Variants in SLC43A1 observed in about 807,000 individuals in gnomAD.
SLC43A1 encodes large neutral amino acids transporter small subunit 3.
Under a neutral mutation model 59.5 loss-of-function variants are expected in SLC43A1, and 31 were observed. The observed-to-expected ratio is 0.52, with a 90% confidence interval of 0.39 to 0.70. SLC43A1 has a LOEUF of 0.70. Ranked by LOEUF, SLC43A1 falls within the 30% of genes least tolerant of loss-of-function variation. The probability of loss-of-function intolerance (pLI) is 0.00; values close to 1 mark genes in which losing one functional copy is unlikely to be tolerated. For missense variants in SLC43A1, 598 were observed against 717.8 expected, an observed-to-expected ratio of 0.83 and a Z score of 1.91; for synonymous variants, 259 against 290.9, an observed-to-expected ratio of 0.89 and a Z score of 1.12.
chr11:57,515,119 G>A lies in SLC43A1; in HGVS notation c.-14+325C>T, dbSNP rs1944655623. 2.1e-6 allele frequency: 2 copies of A among 971,166 alleles called. No individual in the cohort carries two copies. Among genetic ancestry groups the A allele is most frequent in the East Asian group, 1.1e-4 (1 of 8,700 alleles). The allele number at this position is 971,166 out of a possible 1,614,324, so 60.2% of individuals were successfully genotyped here. ...AAGTACCAGTCACTTCTTCCAGGGG[G>A]ACTCGGTATTCTCATCTGTGAAACG... On this transcript the variant is annotated intron_variant, in intron 1 of 14. Coordinates refer to ENST00000278426, the MANE Select transcript of SLC43A1 (RefSeq NM_003627.6). This position sits in a 1 kb window ranked among gnomAD's most constrained non-coding sequence, Gnocchi z 5.3.
At chr11:57,495,499 A>T (rs1944051172) in intron 7 of SLC43A1, among the ~76,000 whole-genome samples, 1 of 151,992 alleles carries the variant, frequency 6.6e-6, no homozygotes, top group Non-Finnish European at 1.5e-5. Context: ...CCATGTTTTG[A>T]CCACCTGTTA....
intron 14 of SLC43A1, among the ~76,000 whole-genome samples, chr11:57,486,566 G>A (rs1267876480): frequency 6.6e-6 from 1 of 151,010 alleles, no homozygotes; most frequent in East Asian, 1.9e-4. Context: ...TTGGGAGGCT[G>A]AGGAGGGCAG....
intron 12 of SLC43A1, 121 bp downstream of exon 12, chr11:57,489,130 C>A: frequency 6.8e-7 from 1 of 1,462,672 alleles, no homozygotes. Flanking sequence ...CCTGGAGAAC[C>A]CGGAAAATAG....
intron 7 of SLC43A1, among the ~76,000 whole-genome samples, chr11:57,495,314 C>G (rs1269349644): frequency 6.6e-6 from 1 of 151,718 alleles, no homozygotes; most frequent in Non-Finnish European, 1.5e-5. Context: ...CATGGTGAAA[C>G]CCCGTCTCCA....
intron 7 of SLC43A1, among the ~76,000 whole-genome samples, chr11:57,495,310 GA>G (rs1180094577): frequency 5.3e-5 from 8 of 151,264 alleles, no homozygotes; most frequent in Non-Finnish European, 1.2e-4. Flanking sequence ...CCAACATGGT[GA>G]AACCCCGTCT....
intron 2 of SLC43A1, among the ~76,000 whole-genome samples, chr11:57,502,873 C>CAAAAA (rs35873904): frequency 1.6e-4 from 10 of 62,824 alleles, no homozygotes; most frequent in African/African-American, 5.6e-4. Flanking sequence ...GGCCCTGTCT[C>CAAAAA]AAAAAAAAAA....
At chr11:57,502,478 C>T (rs1244137933) in intron 2 of SLC43A1, among the ~76,000 whole-genome samples, 1 of 152,316 alleles carries the variant, frequency 6.6e-6, no homozygotes, top group South Asian at 2.1e-4. Context: ...GTAGCTGACC[C>T]TCCTGGTGGG....
At chr11:57,503,326 G>T (rs1269596908) in intron 2 of SLC43A1, among the ~76,000 whole-genome samples, 2 of 147,346 alleles carry the variant, frequency 1.4e-5, no homozygotes, top group African/African-American at 5.0e-5. Flanking sequence ...TTGAGACAGG[G>T]TCTCACTCTG....
Position 57,487,352 on chromosome 11 carries a change from G to A in SLC43A1, c.1410-134C>T, listed in dbSNP as rs1943770658. 3.6e-6 allele frequency: 4 copies of A among 1,101,748 alleles called. No individual in the cohort carries two copies. The South Asian group carries it at 5.2e-5, about 14-fold the overall frequency. The allele number at this position is 1,101,748 out of a possible 1,614,324, so 68.2% of individuals were successfully genotyped here. ...CTTAAGCGTTCGGGCTCTTTGCATG[G>A]GCTCTTTGGTCCCCAGCCTTGAGGG... On this transcript the variant is annotated intron_variant, in intron 13 of 14. Coordinates refer to ENST00000278426, the MANE Select transcript of SLC43A1 (RefSeq NM_003627.6).
intron 2 of SLC43A1, among the ~76,000 whole-genome samples, chr11:57,512,912 G>A (rs2135233342): frequency 6.6e-6 from 1 of 152,204 alleles, no homozygotes; most frequent in South Asian, 2.1e-4. Context: ...CAGTGATCAA[G>A]ACCTCCCCAT....
Position 57,485,287 on chromosome 11 carries a change from T to G in SLC43A1, c.1534-45A>C, listed in dbSNP as rs373689510. 331 of 1,562,776 alleles carry G rather than the reference T, an allele frequency of 2.1e-4. 1 individual carries two copies. Among genetic ancestry groups the G allele is most frequent in the Non-Finnish European group, 2.8e-4 (324 of 1,156,140 alleles). ...AAACAGAGTCAAGTAGGTAGTCATC[T>G]GCCCTTAGCCTCCCACAGGGAGGAG... On this transcript the variant is annotated intron_variant, in intron 14 of 14. Transcript: ENST00000278426.
chr11:57,495,746 C>T (rs1269136329), intron 7 of SLC43A1, among the ~76,000 whole-genome samples: 3 of 152,078 alleles, frequency 2.0e-5, no homozygotes, highest in Non-Finnish European at 4.4e-5. Flanking sequence ...TTCGCTTGAG[C>T]CCAGCAGTTT....
chr11:57,508,267 C>CA (rs56859989), intron 2 of SLC43A1, among the ~76,000 whole-genome samples: 85,559 of 138,430 alleles, frequency 0.62, 26,619 homozygotes, highest in East Asian at 0.82. Context: ...ATTCCATCTC[C>CA]AAAAAAAAAA....
intron 8 of SLC43A1, among the ~76,000 whole-genome samples, chr11:57,492,574 A>ATATATAT (rs1565128046): frequency 2.2e-4 from 4 of 18,180 alleles, no homozygotes; most frequent in South Asian, 4.2e-3. Flanking sequence ...ATATATATAT[A>ATATATAT]AAAAAATAAG....
intron 11 of SLC43A1, among the ~76,000 whole-genome samples, chr11:57,490,251 G>C (rs1271747274): frequency 6.6e-6 from 1 of 151,732 alleles, no homozygotes; most frequent in East Asian, 1.9e-4. Context: ...AGAGGTTGCA[G>C]TGAGCTGAGA....
chr11:57,490,620 C>T (rs1028956845), intron 11 of SLC43A1, among the ~76,000 whole-genome samples: 2 of 152,234 alleles, frequency 1.3e-5, no homozygotes, highest in Non-Finnish European at 2.9e-5. Flanking sequence ...GTCAGCCCTT[C>T]AGATGACTGC....
intron 2 of SLC43A1, among the ~76,000 whole-genome samples, chr11:57,513,061 G>C (rs984069724): frequency 6.6e-6 from 1 of 152,110 alleles, no homozygotes; most frequent in Non-Finnish European, 1.5e-5. Context: ...CACTCCCACG[G>C]AATCGATATT....
intron 6 of SLC43A1, 70 bp from the exon 7 acceptor site, chr11:57,496,234 G>C: frequency 6.5e-7 from 1 of 1,548,510 alleles, no homozygotes; most frequent in Non-Finnish European, 8.7e-7. Flanking sequence ...TAGATCCCAG[G>C]CCTCAGAGGC....
At position 57,484,628 on chromosome 11, in the gene SLC43A1, A is replaced by AC. The variant is rs1943676312; in HGVS notation, c.*467dup. The stretch of plus-strand genomic sequence containing the variant: ...TGGCCCTGGAAGGGGCCGACCCCCA[A>AC]CCCCTAACCCAGGACACAGCTGGCA... On this transcript the variant is annotated 3_prime_UTR_variant, in exon 15 of 15. Transcript: ENST00000278426. 6.6e-6 allele frequency: 1 copy of AC among 152,472 alleles called. No homozygotes were observed. Among genetic ancestry groups the AC allele is most frequent in the Non-Finnish European group, 1.5e-5 (1 of 68,306 alleles). The allele number at this position is 152,472 out of a possible 1,614,324, so 9.4% of individuals were successfully genotyped here.
Sources: gnomAD v4.1 joint callset for allele counts (sites outside exome capture counted in the v4.1 genomes callset) on GRCh38, gnomAD v4.1.1 for gene constraint, Gnocchi (gnomAD v3.1) non-coding constraint, MANE v1.5 for transcripts, NCBI Gene and HGNC (gene_info 2026-07-23, HGNC 2026-07-21) for gene names.